IL1RAPL1: variants seen among roughly 807,000 people sequenced by gnomAD.
IL1RAPL1 encodes the protein interleukin-1 receptor accessory protein-like 1.
IL1RAPL1 carries 3 observed loss-of-function variants against 48.4 expected under a neutral mutation model. The ratio of observed to expected loss-of-function variants is 0.06; its 90% CI spans 0.03 to 0.16. IL1RAPL1 has a LOEUF of 0.16. IL1RAPL1 is among the 10% of genes least tolerant of loss of function. IL1RAPL1 has a pLI of 1.00. For synonymous variants in IL1RAPL1, 185 were observed against 187.7 expected (o/e 0.99, Z 0.12); for missense variants, 349 against 530.6 (o/e 0.66, Z 3.36).
At chrX:29,397,431 T>G in intron 4 of IL1RAPL1, among the ~76,000 whole-genome samples, 2 of 112,336 alleles carry the variant, frequency 1.8e-5, no homozygotes, top group Middle Eastern at 4.6e-3. Flanking sequence ...GACTTACTTT[T>G]GATTCTTGAT....
chrX:29,264,515 A>G (rs1181605565), intron 2 of IL1RAPL1, among the ~76,000 whole-genome samples: 1 of 111,343 alleles, frequency 9.0e-6, no homozygotes, highest in Admixed American at 9.6e-5. Flanking sequence ...GGAAGTGACA[A>G]GAAAAGATTC....
chrX:29,899,161 G>A (rs1026639454), intron 6 of IL1RAPL1, among the ~76,000 whole-genome samples: 2 of 110,566 alleles, frequency 1.8e-5, no homozygotes, highest in Non-Finnish European at 3.8e-5. Flanking sequence ...TACTGCTTAA[G>A]TATACAGGCC....
At chrX:29,052,450 A>G (rs1298036863) in intron 2 of IL1RAPL1, among the ~76,000 whole-genome samples, 1 of 111,560 alleles carries the variant, frequency 9.0e-6, no homozygotes, top group Admixed American at 9.6e-5. Context: ...ATTTTGAGGT[A>G]TACAATACAT....
intron 2 of IL1RAPL1, among the ~76,000 whole-genome samples, chrX:28,971,620 C>T (rs1925072834): frequency 9.0e-6 from 1 of 111,613 alleles, no homozygotes; most frequent in South Asian, 3.7e-4. Flanking sequence ...TCTCTTTTAT[C>T]GAGCTCATTA....
At chrX:29,158,411 A>G (rs190973304) in intron 2 of IL1RAPL1, among the ~76,000 whole-genome samples, 121 of 111,226 alleles carry the variant, frequency 1.1e-3, no homozygotes, top group African/African-American at 3.7e-3. Context: ...GTCTCGCTCT[A>G]TCCCCCAGGC....
At chrX:28,701,844 A>T (rs184186779) in intron 1 of IL1RAPL1, among the ~76,000 whole-genome samples, 60 of 111,766 alleles carry the variant, frequency 5.4e-4, no homozygotes, top group Non-Finnish European at 9.4e-4. Flanking sequence ...AAATGAGGTT[A>T]GAAAGGGAAG....
At chrX:29,745,622 T>C (rs1928318709) in intron 6 of IL1RAPL1, among the ~76,000 whole-genome samples, 1 of 107,902 alleles carries the variant, frequency 9.3e-6, no homozygotes, top group East Asian at 2.9e-4. Flanking sequence ...CATTTTTGTA[T>C]TTTTAGTAGA....
chrX:29,458,060 CGTG>C (rs1262610131), intron 5 of IL1RAPL1, among the ~76,000 whole-genome samples: 1 of 112,164 alleles, frequency 8.9e-6, no homozygotes, highest in Non-Finnish European at 1.9e-5. Context: ...GGATTACAGG[CGTG>C]AGCCACTGTG....
intron 6 of IL1RAPL1, among the ~76,000 whole-genome samples, chrX:29,681,659 T>C (rs966228115): frequency 2.7e-5 from 3 of 112,142 alleles, no homozygotes; most frequent in African/African-American, 9.7e-5. Flanking sequence ...AGGCTAGGCA[T>C]TACCTAATTT....
chrX:29,236,557 T>C (rs757655379), intron 2 of IL1RAPL1, among the ~76,000 whole-genome samples: 12,058 of 42,907 alleles, frequency 0.28, 940 homozygotes, highest in East Asian at 0.41. Context: ...TTTTTTTTTT[T>C]TTTTTTTTTT....
chrX:29,842,150 A>G (rs1458847499), intron 6 of IL1RAPL1, among the ~76,000 whole-genome samples: 1 of 112,506 alleles, frequency 8.9e-6, no homozygotes, highest in African/African-American at 3.2e-5. Context: ...CAGTTTAGGC[A>G]TAGTAAACCC....
intron 1 of IL1RAPL1, among the ~76,000 whole-genome samples, chrX:28,721,381 A>G (rs201848845): frequency 0.061 from 6,814 of 111,817 alleles, 417 homozygotes; most frequent in East Asian, 0.32. Context: ...TGTTGGCTGC[A>G]TAAATGTCTT....
chrX:28,996,816 T>A (rs1339712829), intron 2 of IL1RAPL1, among the ~76,000 whole-genome samples: 1 of 111,547 alleles, frequency 9.0e-6, no homozygotes, highest in African/African-American at 3.3e-5. Context: ...TGATTTGCAT[T>A]TCCCTGATTG....
At chrX:28,616,232 G>T (rs1012024341) in intron 1 of IL1RAPL1, among the ~76,000 whole-genome samples, 2 of 112,029 alleles carry the variant, frequency 1.8e-5, no homozygotes, top group African/African-American at 6.5e-5. Context: ...GTCATAAAAT[G>T]AAGTTGAAAG....
chrX:28,981,090 C>CAAAAAAAAAAA (rs57824632), intron 2 of IL1RAPL1, among the ~76,000 whole-genome samples: 4 of 24,308 alleles, frequency 1.6e-4, no homozygotes, highest in Admixed American at 6.4e-4. Flanking sequence ...GACCCTGTCT[C>CAAAAAAAAAAA]AAAAAAAAAA....
At chrX:29,655,105 T>C (rs1239186456) in intron 5 of IL1RAPL1, among the ~76,000 whole-genome samples, 1 of 111,515 alleles carries the variant, frequency 9.0e-6, no homozygotes, top group Non-Finnish European at 1.9e-5. Flanking sequence ...GTTCTACTTA[T>C]GAGAGCCAAT....
intron 1 of IL1RAPL1, among the ~76,000 whole-genome samples, chrX:28,643,526 T>C (rs1370770122): frequency 9.0e-6 from 1 of 111,249 alleles, no homozygotes; most frequent in African/African-American, 3.3e-5. Context: ...AGGAGCCATC[T>C]TGAAGAATGG....
chrX:28,929,185 C>T (rs1014476344), intron 2 of IL1RAPL1, among the ~76,000 whole-genome samples: 1 of 111,772 alleles, frequency 8.9e-6, no homozygotes, highest in Non-Finnish European at 1.9e-5. Flanking sequence ...TATGGTAGAG[C>T]CTGTTACTCC....
At chrX:29,548,107 A>G (rs1602290618) in intron 5 of IL1RAPL1, among the ~76,000 whole-genome samples, 1 of 112,727 alleles carries the variant, frequency 8.9e-6, no homozygotes, top group Non-Finnish European at 1.9e-5. Flanking sequence ...CCATTAGTTA[A>G]TTAGTGTTGC....
Sources: allele counts gnomAD v4.1 joint callset (sites outside exome capture counted in the v4.1 genomes callset), GRCh38; gene constraint gnomAD v4.1.1; transcripts MANE v1.5; gene names NCBI Gene and HGNC (gene_info 2026-07-23, HGNC 2026-07-21).